Variants in UBXN4 observed in about 807,000 individuals in gnomAD.
UBXN4 encodes the protein UBX domain-containing protein 4.
A neutral mutation model predicts 66.2 loss-of-function variants in UBXN4; 35 were observed. That is an observed-to-expected ratio of 0.53 (90% confidence interval 0.40 to 0.70). The LOEUF is 0.70. Among genes scored for constraint, UBXN4 ranks in the 30% least tolerant of loss-of-function variants. The pLI is 0.00. For missense variants in UBXN4, 533 were observed against 599.8 expected (o/e 0.89, Z 1.16); for synonymous variants, 203 against 204.5 (o/e 0.99, Z 0.06).
At chr2:135,756,033 A>G (rs1165921387) in intron 5 of UBXN4, among the ~76,000 whole-genome samples, 2 of 152,216 alleles carry the variant, frequency 1.3e-5, no homozygotes, top group Admixed American at 1.3e-4. Context: ...CTAAAGTATT[A>G]TATTTGGAAT....
intron 2 of UBXN4, among the ~76,000 whole-genome samples, chr2:135,751,209 C>T (rs940949688): frequency 2.7e-5 from 4 of 148,398 alleles, no homozygotes; most frequent in African/African-American, 7.5e-5. Context: ...TTTTTTGAGA[C>T]GGAGTCTCGC....
chr2:135,769,859 C>T (rs1247808257), intron 7 of UBXN4, 36 bp downstream of exon 7: 1 of 1,535,482 alleles, frequency 6.5e-7, no homozygotes, highest in Non-Finnish European at 8.8e-7. Context: ...TTTGTCCTCT[C>T]ATTAACTGAG....
At position 135,750,925 on chromosome 2, in the gene UBXN4, G is replaced by A. The variant is rs192326309; in HGVS notation, c.185+2556G>A. On this transcript the variant is annotated intron_variant, in intron 2 of 12. Coordinates refer to ENST00000272638, the MANE Select transcript of UBXN4 (RefSeq NM_014607.4). ...GGCTGGAGTGCAGTGGCGTGATCTC[G>A]GCTCACTGCAAGCTCCGCCTCCCGG... is the stretch of plus-strand genomic sequence containing the variant. Among the ~76,000 whole-genome samples the A allele has an allele frequency of 5.9e-3, 773 of 130,020 alleles. 6 individuals carry two copies. Among genetic ancestry groups the A allele is most frequent in the South Asian group, 0.045 (179 of 3,966 alleles). The allele number at this position is 130,020 out of a possible 152,430, so 85.3% of individuals were successfully genotyped here.
At chr2:135,754,660 AG>A (rs1288732045) in intron 4 of UBXN4, among the ~76,000 whole-genome samples, 8 of 152,140 alleles carry the variant, frequency 5.3e-5, no homozygotes, top group African/African-American at 1.7e-4. Context: ...CTGTATATTC[AG>A]GAAACTGCCA....
chr2:135,774,955 A>G (rs1449668180), intron 9 of UBXN4, among the ~76,000 whole-genome samples: 2 of 152,204 alleles, frequency 1.3e-5, no homozygotes, highest in Non-Finnish European at 2.9e-5. Context: ...CTGTGACTCA[A>G]TTATAAAGAC....
intron 4 of UBXN4, 86 bp downstream of exon 4, chr2:135,754,363 C>A: frequency 9.3e-7 from 1 of 1,075,512 alleles, no homozygotes. Context: ...GTTCTGTCGC[C>A]CAGGCTGGAG....
At chr2:135,750,814 T>C (rs550825518) in intron 2 of UBXN4, among the ~76,000 whole-genome samples, 49 of 147,270 alleles carry the variant, frequency 3.3e-4, no homozygotes, top group African/African-American at 9.6e-4. Flanking sequence ...CTTGAGATTG[T>C]ATACAGACTG....
intron 1 of UBXN4, among the ~76,000 whole-genome samples, chr2:135,747,272 C>T (rs566265682): frequency 4.8e-5 from 7 of 146,362 alleles, no homozygotes; most frequent in South Asian, 2.2e-4. Flanking sequence ...CGCTTGAACC[C>T]GGGAGGCAGA....
At chr2:135,744,543 A>G (rs1332998136) in intron 1 of UBXN4, among the ~76,000 whole-genome samples, 1 of 152,188 alleles carries the variant, frequency 6.6e-6, no homozygotes, top group African/African-American at 2.4e-5. Flanking sequence ...AGGTAGGCCA[A>G]ACTTTGTTAA....
intron 1 of UBXN4, among the ~76,000 whole-genome samples, chr2:135,747,348 C>CAAA (rs138276089): frequency 1.2e-5 from 1 of 83,512 alleles, no homozygotes; most frequent in Non-Finnish European, 2.4e-5. Flanking sequence ...AACTCCATCT[C>CAAA]AAAAAAAAAA....
At chr2:135,781,307 T>C (rs1209057221) in intron 12 of UBXN4, among the ~76,000 whole-genome samples, 1 of 152,242 alleles carries the variant, frequency 6.6e-6, no homozygotes, top group African/African-American at 2.4e-5. Flanking sequence ...TTAACTCCTA[T>C]CTTTGTTAAG....
chr2:135,779,929 ATAC>A (rs2077439715), intron 11 of UBXN4, among the ~76,000 whole-genome samples: 1 of 147,044 alleles, frequency 6.8e-6, no homozygotes, highest in South Asian at 2.1e-4. Flanking sequence ...AAATAATTGT[ATAC>A]TATACAATTA....
intron 6 of UBXN4, among the ~76,000 whole-genome samples, chr2:135,764,771 G>A (rs2077337298): frequency 6.6e-6 from 1 of 152,000 alleles, no homozygotes; most frequent in South Asian, 2.1e-4. Context: ...CTCCCAAAGT[G>A]CTGGGATTAC....
intron 5 of UBXN4, among the ~76,000 whole-genome samples, chr2:135,761,022 G>A (rs1449978485): frequency 6.6e-6 from 1 of 152,202 alleles, no homozygotes; most frequent in Non-Finnish European, 1.5e-5. Context: ...CATTTTACTT[G>A]TATTAACACG....
chr2:135,748,676 G>C (rs2077224019), intron 2 of UBXN4, among the ~76,000 whole-genome samples: 1 of 150,682 alleles, frequency 6.6e-6, no homozygotes, highest in East Asian at 2.0e-4. Flanking sequence ...AGTGAGCTGT[G>C]ATCATGCCAC....
At chr2:135,755,260 T>G in intron 4 of UBXN4, among the ~76,000 whole-genome samples, 1 of 152,136 alleles carries the variant, frequency 6.6e-6, no homozygotes, top group African/African-American at 2.4e-5. Flanking sequence ...GTTTGTAACT[T>G]TTTTCTTTGA....
chr2:135,773,037 C>CAAAAAAA (rs78669415), intron 9 of UBXN4, among the ~76,000 whole-genome samples: 1 of 80,030 alleles, frequency 1.2e-5, no homozygotes, highest in African/African-American at 4.5e-5. Context: ...ACTCCGTCCC[C>CAAAAAAA]AAAAAAAAAA....
rs1366331299 is a variant in UBXN4 at position 135,769,003 on chromosome 2, C to T, written c.603-766C>T. 3.3e-5 allele frequency among the ~76,000 whole-genome samples: 5 copies of T among 152,146 alleles called. No individual in the cohort carries two copies. The East Asian group carries it at 9.7e-4, about 29-fold the overall frequency. On this transcript the variant is annotated intron_variant, in intron 6 of 12. Transcript: ENST00000272638. ...ACATGTGAGCCACCACACCCAGCCT[C>T]CATTTGTTTGTTTATTTCAGACAGG...
intron 12 of UBXN4, among the ~76,000 whole-genome samples, chr2:135,781,839 G>A (rs1406972626): frequency 6.6e-6 from 1 of 152,200 alleles, no homozygotes; most frequent in African/African-American, 2.4e-5. Flanking sequence ...TTGGGAAGCT[G>A]AGGTGCAAGG....
Sources: gnomAD v4.1 joint callset for allele counts (sites outside exome capture counted in the v4.1 genomes callset) on GRCh38, gnomAD v4.1.1 for gene constraint, MANE v1.5 for transcripts, NCBI Gene and HGNC (gene_info 2026-07-23, HGNC 2026-07-21) for gene names.